The following PDZRN4 variants were observed in gnomAD, a reference collection of about 807,000 sequenced individuals.
PDZRN4 encodes PDZ domain containing ring finger 4, also known as PDZ domain-containing RING finger protein 4.
A neutral mutation model predicts 99.0 loss-of-function variants in PDZRN4; 70 were observed. That is an observed-to-expected ratio of 0.71 (90% CI 0.58 to 0.86). The LOEUF (loss-of-function observed/expected upper bound fraction) is 0.86. Ranked by LOEUF, PDZRN4 falls within the 40% of genes least tolerant of loss-of-function variation. The pLI is 0.00. For missense variants in PDZRN4, 1,474 were observed against 1,331.2 expected (o/e 1.11, Z -1.67); for synonymous variants, 551 against 501.6 (o/e 1.10, Z -1.32).
At chr12:41,377,322 G>C (rs1042520447) in intron 3 of PDZRN4, among the ~76,000 whole-genome samples, 3 of 152,020 alleles carry the variant, frequency 2.0e-5, no homozygotes, top group African/African-American at 7.3e-5. Flanking sequence ...TTAGTGTATG[G>C]CTATTTTTAC....
At chr12:41,240,675 G>T (rs1389086019) in intron 3 of PDZRN4, among the ~76,000 whole-genome samples, 1 of 152,176 alleles carries the variant, frequency 6.6e-6, no homozygotes, top group Non-Finnish European at 1.5e-5. Context: ...TCAAGGTGCT[G>T]GCAGATGCGG....
At chr12:41,559,184 TAC>T (rs10557714) in intron 7 of PDZRN4, among the ~76,000 whole-genome samples, 97,385 of 149,932 alleles carry the variant, frequency 0.65, 31,753 homozygotes, top group East Asian at 0.83. Context: ...CACACATACA[TAC>T]ACACACACAC....
intron 8 of PDZRN4, among the ~76,000 whole-genome samples, chr12:41,566,792 T>C (rs1317565067): frequency 1.3e-5 from 2 of 152,176 alleles, no homozygotes; most frequent in Non-Finnish European, 2.9e-5. Flanking sequence ...ATTATCCATG[T>C]TTGCTCACTA....
intron 5 of PDZRN4, among the ~76,000 whole-genome samples, chr12:41,543,766 T>C (rs1938901504): frequency 6.6e-6 from 1 of 152,196 alleles, no homozygotes; most frequent in Non-Finnish European, 1.5e-5. Flanking sequence ...ACAAGTGTTC[T>C]TTTCCTAATA....
chr12:41,473,101 TA>T (rs1025870072), intron 3 of PDZRN4, among the ~76,000 whole-genome samples: 118 of 151,622 alleles, frequency 7.8e-4, no homozygotes, highest in African/African-American at 2.6e-3. Context: ...AGTTTTGTTT[TA>T]TTTTTTAAGT....
intron 3 of PDZRN4, among the ~76,000 whole-genome samples, chr12:41,241,945 G>C (rs77955419): frequency 0.017 from 2,638 of 152,332 alleles, 41 homozygotes; most frequent in East Asian, 0.059. Flanking sequence ...GCCAGATTTA[G>C]AAGATAGAAT....
In PDZRN4 at chr12:41,358,667, A is replaced by T. The variant is rs116581322; in HGVS notation, c.844-147789A>T. ...CCTGCCACAGCTGTAAATCACTCAT[A>T]TGTGAAACTTGAATATATTTAACAA... is the stretch of plus-strand genomic sequence containing the variant. On this transcript the variant is annotated intron_variant, in intron 3 of 9. Transcript: ENST00000402685. Among the ~76,000 whole-genome samples, 473 of 152,120 alleles carry T rather than the reference A, an allele frequency of 3.1e-3. 5 individuals are homozygous for T. Among genetic ancestry groups the T allele is most frequent in the African/African-American group, 0.011 (450 of 41,546 alleles).
intron 7 of PDZRN4, among the ~76,000 whole-genome samples, chr12:41,561,567 T>TA (rs1177813219): frequency 1.6e-5 from 2 of 122,778 alleles, no homozygotes; most frequent in South Asian, 2.2e-4. Flanking sequence ...GAAATATATA[T>TA]TTTTTATATA....
intron 3 of PDZRN4, among the ~76,000 whole-genome samples, chr12:41,488,822 G>A (rs1210910440): frequency 6.6e-6 from 1 of 152,174 alleles, no homozygotes; most frequent in East Asian, 1.9e-4. Context: ...CAACTTCTGT[G>A]TTATAGTGTT....
intron 3 of PDZRN4, among the ~76,000 whole-genome samples, chr12:41,406,358 A>G (rs1952350125): frequency 6.6e-6 from 1 of 152,210 alleles, no homozygotes; most frequent in Non-Finnish European, 1.5e-5. Context: ...AAAAAAATGT[A>G]TAAAAGAAAA....
chr12:41,407,189 G>C (rs1304180647), intron 3 of PDZRN4, among the ~76,000 whole-genome samples: 1 of 152,142 alleles, frequency 6.6e-6, no homozygotes, highest in African/African-American at 2.4e-5. Flanking sequence ...TCATCCACTT[G>C]GGGATAATAC....
At chr12:41,257,394 A>G (rs916680604) in intron 3 of PDZRN4, among the ~76,000 whole-genome samples, 19 of 152,184 alleles carry the variant, frequency 1.2e-4, no homozygotes, top group Non-Finnish European at 2.1e-4. Context: ...GCTTGCCCTC[A>G]TCACCTAATC....
intron 3 of PDZRN4, among the ~76,000 whole-genome samples, chr12:41,230,936 T>C (rs1951024553): frequency 6.6e-6 from 1 of 152,108 alleles, no homozygotes; most frequent in Non-Finnish European, 1.5e-5. Flanking sequence ...AACAATATAC[T>C]CTTTGTTTTG....
intron 7 of PDZRN4, among the ~76,000 whole-genome samples, chr12:41,561,979 CAT>C (rs1411493750): frequency 2.6e-5 from 4 of 152,094 alleles, no homozygotes; most frequent in East Asian, 1.9e-4. Context: ...TCAGTACACA[CAT>C]ACTTTTCCAG....
intron 3 of PDZRN4, among the ~76,000 whole-genome samples, chr12:41,367,564 C>T (rs1952010497): frequency 6.6e-6 from 1 of 151,826 alleles, no homozygotes; most frequent in Admixed American, 6.6e-5. Context: ...CCTAGCAAAT[C>T]TGTGTAGAAG....
chr12:41,340,385 G>T (rs558145173), intron 3 of PDZRN4, among the ~76,000 whole-genome samples: 7 of 152,006 alleles, frequency 4.6e-5, no homozygotes, highest in African/African-American at 1.2e-4. Context: ...AAAAGCAATT[G>T]AACTTATGGA....
At chr12:41,509,408 G>A (rs950372148) in intron 4 of PDZRN4, 4 of 152,822 alleles carry the variant, frequency 2.6e-5, no homozygotes, top group African/African-American at 9.6e-5. Context: ...TATGAAATTG[G>A]TAGTACTTTA....
chr12:41,486,619 A>G (rs987791722), intron 3 of PDZRN4, among the ~76,000 whole-genome samples: 3 of 152,090 alleles, frequency 2.0e-5, no homozygotes, highest in African/African-American at 4.8e-5. Context: ...AGTGCAAGCA[A>G]TGGCAGAGAG....
intron 3 of PDZRN4, among the ~76,000 whole-genome samples, chr12:41,474,895 A>G (rs1025657034): frequency 1.3e-5 from 2 of 152,218 alleles, no homozygotes; most frequent in Non-Finnish European, 2.9e-5. Context: ...ACTAGCTAGA[A>G]TTAAAATAAA....
Sources: gnomAD v4.1 joint callset for allele counts (sites outside exome capture counted in the v4.1 genomes callset) on GRCh38, gnomAD v4.1.1 for gene constraint, MANE v1.5 for transcripts, NCBI Gene and HGNC (gene_info 2026-07-23, HGNC 2026-07-21) for gene names.